The following ARHGAP42 variants were observed in gnomAD, a reference collection of about 807,000 sequenced individuals.
ARHGAP42 encodes the protein rho GTPase-activating protein 42.
ARHGAP42 carries 63 observed loss-of-function variants against 125.0 expected under a neutral mutation model. The ratio of observed to expected loss-of-function variants is 0.50; its 90% CI spans 0.41 to 0.62. ARHGAP42 has a LOEUF of 0.62. Among genes scored for constraint, ARHGAP42 ranks in the 20% least tolerant of loss-of-function variants. ARHGAP42 has a pLI of 0.00. For synonymous variants in ARHGAP42, 339 were observed against 351.0 expected (o/e 0.97, Z 0.38); for missense variants, 766 against 1,024.2 (o/e 0.75, Z 3.44).
At chr11:100,920,990 T>C (rs1005414409) in intron 5 of ARHGAP42, among the ~76,000 whole-genome samples, 6 of 151,910 alleles carry the variant, frequency 3.9e-5, no homozygotes, top group Non-Finnish European at 7.4e-5. Flanking sequence ...CCTCTTCTTC[T>C]CCGTGTGTTC....
chr11:100,766,486 T>C (rs1862832392), intron 1 of ARHGAP42, among the ~76,000 whole-genome samples: 1 of 152,222 alleles, frequency 6.6e-6, no homozygotes, highest in South Asian at 2.1e-4. Context: ...GGATGAACTT[T>C]ATTTAAAAGG....
rs139506492 is a variant in ARHGAP42, at chr11:100,903,709, A to AATATATATATATAT, written c.385-9710_385-9697dup. On this transcript the variant is annotated intron_variant, in intron 4 of 23. Transcript: ENST00000298815. ...ATGTATATATATACATGTCCCTCAAAATATATATATATATATATATATATA... is the reference window on the plus strand; with the variant it reads ...ATGTATATATATACATGTCCCTCAAAATATATATATATATATATATATATATATATATATATATA... 3.3e-3 allele frequency among the ~76,000 whole-genome samples: 208 copies of AATATATATATATAT among 63,272 alleles called. 4 individuals carry two copies. Among genetic ancestry groups the AATATATATATATAT allele is most frequent in the Middle Eastern group, 8.8e-3 (1 of 114 alleles). The allele number at this position is 63,272 out of a possible 152,430, so 41.5% of individuals were successfully genotyped here.
At chr11:100,790,982 C>T (rs910374016) in intron 2 of ARHGAP42, among the ~76,000 whole-genome samples, 2 of 152,116 alleles carry the variant, frequency 1.3e-5, no homozygotes, top group African/African-American at 4.8e-5. Flanking sequence ...CCAGATTTTG[C>T]TTAAGGAAAG....
intron 4 of ARHGAP42, among the ~76,000 whole-genome samples, chr11:100,866,578 A>G (rs1446939999): frequency 2.0e-5 from 3 of 152,234 alleles, no homozygotes; most frequent in African/African-American, 7.2e-5. Flanking sequence ...TGGAGGCCTC[A>G]GGAAACTTAC....
At chr11:100,695,312 T>C (rs960982435) in intron 1 of ARHGAP42, among the ~76,000 whole-genome samples, 1 of 152,196 alleles carries the variant, frequency 6.6e-6, no homozygotes, top group Non-Finnish European at 1.5e-5. Context: ...GTAGGGTAGA[T>C]TCTTCTCTCT....
At chr11:100,789,448 A>T (rs1160835152) in intron 2 of ARHGAP42, among the ~76,000 whole-genome samples, 1 of 152,154 alleles carries the variant, frequency 6.6e-6, no homozygotes, top group Non-Finnish European at 1.5e-5. Context: ...GCAAGATCGT[A>T]GACAGTTTTG....
chr11:100,712,150 C>T (rs1463821188), intron 1 of ARHGAP42, among the ~76,000 whole-genome samples: 3 of 152,150 alleles, frequency 2.0e-5, no homozygotes, highest in Non-Finnish European at 4.4e-5. Context: ...CGGGAACACA[C>T]CTCTACCCAG....
At chr11:100,935,426 T>A (rs1342018189) in intron 7 of ARHGAP42, among the ~76,000 whole-genome samples, 1 of 152,184 alleles carries the variant, frequency 6.6e-6, no homozygotes, top group Non-Finnish European at 1.5e-5. Flanking sequence ...AAATAGCCTT[T>A]GGAACTGTGG....
At chr11:100,769,184 G>A (rs1222654839) in intron 1 of ARHGAP42, among the ~76,000 whole-genome samples, 1 of 152,126 alleles carries the variant, frequency 6.6e-6, no homozygotes, top group Admixed American at 6.6e-5. Flanking sequence ...ACCTGTGTAG[G>A]GCAGCTACAG....
chr11:100,746,472 G>C (rs1052964604), intron 1 of ARHGAP42, among the ~76,000 whole-genome samples: 2 of 152,230 alleles, frequency 1.3e-5, no homozygotes, highest in Non-Finnish European at 2.9e-5. Context: ...CCGGCCCACC[G>C]TGCACACAAG....
chr11:100,881,504 G>C (rs765686525), intron 4 of ARHGAP42, among the ~76,000 whole-genome samples: 118 of 152,196 alleles, frequency 7.8e-4, no homozygotes, highest in Admixed American at 2.8e-3. Flanking sequence ...TTTGAAATCA[G>C]TTAATTGATG....
intron 1 of ARHGAP42, among the ~76,000 whole-genome samples, chr11:100,699,478 A>ATG (rs1257125766): frequency 1.4e-4 from 9 of 64,700 alleles, no homozygotes; most frequent in South Asian, 6.2e-4. Context: ...AAATTTATTC[A>ATG]TGTATATATA....
intron 4 of ARHGAP42, among the ~76,000 whole-genome samples, chr11:100,908,476 A>G (rs1000460907): frequency 7.9e-5 from 12 of 152,164 alleles, no homozygotes; most frequent in Non-Finnish European, 4.4e-5. Context: ...GCTCTGACTT[A>G]TAAGTTAGAA....
intron 1 of ARHGAP42, among the ~76,000 whole-genome samples, chr11:100,725,934 C>CAA (rs57899188): frequency 0.18 from 17,836 of 99,076 alleles, 1,830 homozygotes; most frequent in African/African-American, 0.24. Flanking sequence ...GACTCCGTCT[C>CAA]AAAAAAAAAA....
chr11:100,950,325 G>T (rs1317324010), intron 12 of ARHGAP42, among the ~76,000 whole-genome samples: 5 of 145,762 alleles, frequency 3.4e-5, no homozygotes, highest in African/African-American at 1.0e-4. Flanking sequence ...TTATAATCAA[G>T]CTAAATCATA....
intron 3 of ARHGAP42, among the ~76,000 whole-genome samples, chr11:100,809,935 T>TC (rs1291224017): frequency 5.6e-5 from 6 of 106,492 alleles, no homozygotes; most frequent in Non-Finnish European, 1.2e-4. Flanking sequence ...AGCAAGACTC[T>TC]GTCTCCAAAA....
intron 3 of ARHGAP42, among the ~76,000 whole-genome samples, chr11:100,853,576 G>A (rs976983064): frequency 6.6e-6 from 1 of 151,998 alleles, no homozygotes; most frequent in African/African-American, 2.4e-5. Context: ...CTAGAGTTAT[G>A]ATGTTAATTA....
At chr11:100,872,268 GA>G (rs1470423033) in intron 4 of ARHGAP42, among the ~76,000 whole-genome samples, 1 of 152,140 alleles carries the variant, frequency 6.6e-6, no homozygotes, top group Admixed American at 6.6e-5. Flanking sequence ...TTATTCAGAT[GA>G]AAATAAAATC....
chr11:100,889,370 T>C (rs1866165879), intron 4 of ARHGAP42, among the ~76,000 whole-genome samples: 1 of 152,104 alleles, frequency 6.6e-6, no homozygotes, highest in East Asian at 1.9e-4. Flanking sequence ...GTCCTTTCTT[T>C]TTGCCCTTTT....
Sources: gnomAD v4.1 joint callset for allele counts (sites outside exome capture counted in the v4.1 genomes callset) on GRCh38, gnomAD v4.1.1 for gene constraint, MANE v1.5 for transcripts, NCBI Gene and HGNC (gene_info 2026-07-23, HGNC 2026-07-21) for gene names.